The following MYO10 variants were observed in gnomAD, a reference collection of about 807,000 sequenced individuals.
The protein encoded by MYO10 is unconventional myosin-X.
MYO10 carries 133 observed loss-of-function variants against 257.3 expected under a neutral mutation model. The observed-to-expected ratio is 0.52, with a 90% CI of 0.45 to 0.60. The LOEUF (loss-of-function observed/expected upper bound fraction) is 0.60. Ranked by LOEUF, MYO10 falls within the 20% of genes least tolerant of loss-of-function variation. The pLI, the probability that MYO10 is intolerant of heterozygous loss-of-function variation, is 0.00. For missense variants in MYO10, 2,399 were observed against 2,635.7 expected, an observed-to-expected ratio of 0.91 and a Z score of 1.97; for synonymous variants, 1,104 against 1,028.6, an observed-to-expected ratio of 1.07 and a Z score of -1.40.
intron 17 of MYO10, among the ~76,000 whole-genome samples, chr5:16,759,267 G>C (rs1162266064): frequency 6.6e-6 from 1 of 152,144 alleles, no homozygotes; most frequent in Non-Finnish European, 1.5e-5. Context: ...AAGGTATCAT[G>C]GGCTATGGAG....
At chr5:16,929,981 A>C (rs1271547716) in intron 1 of MYO10, among the ~76,000 whole-genome samples, 2 of 152,204 alleles carry the variant, frequency 1.3e-5, no homozygotes, top group African/African-American at 4.8e-5. Flanking sequence ...AATAATCTGA[A>C]AATAACCATT....
chr5:16,857,046 A>T (rs1454322342), intron 2 of MYO10, among the ~76,000 whole-genome samples: 1 of 152,242 alleles, frequency 6.6e-6, no homozygotes, highest in Non-Finnish European at 1.5e-5. Context: ...AATAGGCATT[A>T]TATGTGTCAA....
intron 2 of MYO10, among the ~76,000 whole-genome samples, chr5:16,849,209 T>A (rs1179261125): frequency 1.3e-5 from 2 of 152,202 alleles, no homozygotes; most frequent in East Asian, 1.9e-4. Context: ...TAACATACAT[T>A]TACTGATTTC....
At chr5:16,683,593 G>A (rs1477457168) in intron 30 of MYO10, among the ~76,000 whole-genome samples, 1 of 152,112 alleles carries the variant, frequency 6.6e-6, no homozygotes, top group Non-Finnish European at 1.5e-5. Context: ...TAAATCCCAA[G>A]TTTGTCCCTG....
intron 4 of MYO10, among the ~76,000 whole-genome samples, chr5:16,786,491 C>T (rs570016332): frequency 6.6e-6 from 1 of 152,262 alleles, no homozygotes; most frequent in East Asian, 1.9e-4. Context: ...CTGCATTACA[C>T]CAACTGAGTA....
chr5:16,704,072 A>G (rs1738215115), intron 22 of MYO10, among the ~76,000 whole-genome samples: 2 of 151,820 alleles, frequency 1.3e-5, no homozygotes, highest in African/African-American at 4.8e-5. Flanking sequence ...CACACCTGTA[A>G]TCCCAGCACT....
intron 19 of MYO10, among the ~76,000 whole-genome samples, chr5:16,720,002 GTGTGTGTGTGTGTGTGTGTGTA>G (rs1739082130): frequency 7.0e-6 from 1 of 143,662 alleles, no homozygotes; most frequent in Non-Finnish European, 1.5e-5. Flanking sequence ...GTGTGTGTGT[GTGTGTGTGTGTGTGTGTGTGTA>G]TATGTATGTA....
At chr5:16,789,020 G>A (rs1412774878) in intron 4 of MYO10, among the ~76,000 whole-genome samples, 1 of 152,176 alleles carries the variant, frequency 6.6e-6, no homozygotes, top group Non-Finnish European at 1.5e-5. Flanking sequence ...AAAGGAATCT[G>A]ATACGAGCAG....
intron 1 of MYO10, among the ~76,000 whole-genome samples, chr5:16,895,474 C>T (rs1027421607): frequency 3.9e-5 from 6 of 152,130 alleles, no homozygotes; most frequent in African/African-American, 1.4e-4. Context: ...TCAGCTTCTC[C>T]ACTACCCCTG....
intron 2 of MYO10, among the ~76,000 whole-genome samples, chr5:16,870,323 T>C (rs1441752994): frequency 6.6e-6 from 1 of 151,478 alleles, no homozygotes; most frequent in African/African-American, 2.4e-5. Flanking sequence ...GAGTGCTTCT[T>C]GCTCTTCATT....
intron 1 of MYO10, among the ~76,000 whole-genome samples, chr5:16,911,203 A>G (rs148071655): frequency 4.6e-5 from 7 of 152,350 alleles, no homozygotes; most frequent in Non-Finnish European, 7.3e-5. Flanking sequence ...CAGAAAATAC[A>G]TAAATCTAAC....
chr5:16,796,483 G>GAAAGAGAGAAAGA (rs1741975964), intron 3 of MYO10, among the ~76,000 whole-genome samples: 3 of 136,862 alleles, frequency 2.2e-5, no homozygotes. Flanking sequence ...GAAAAGAAAA[G>GAAAGAGAGAAAGA]AAAGAAAGAA....
At chr5:16,780,635 C>G in intron 7 of MYO10, 27 bp from the exon 8 acceptor site, 1 of 1,554,110 alleles carries the variant, frequency 6.4e-7, no homozygotes. Flanking sequence ...GATTTATATT[C>G]AGAGATGTGT....
At position 16,694,503 on chromosome 5, in the gene MYO10, C is replaced by A. The variant is rs200132051; in HGVS notation, c.3668G>T (p.Gly1223Val). 1.9e-5 allele frequency: 31 copies of A among 1,613,920 alleles called. No individual in the cohort carries two copies. Among genetic ancestry groups the A allele is most frequent in the South Asian group, 5.5e-5 (5 of 91,090 alleles). The change falls in exon 27 of 41, where the codon GGG (glycine) becomes GTG (valine). Residue 1223 changes from glycine (G) to valine (V), a missense_variant. Gly to Val is a moderately radical substitution (Grantham distance 109). Transcript: ENST00000513610. ...ALKQGWLHKKGGGSSTLSRRN... is the reference protein window; with the variant it reads ...ALKQGWLHKKVGGSSTLSRRN... ...CCTGGACAGCGTGGAGGAGCCCCCC[C>A]CTTTTTTGTGGAGCCAGCCTTGCTT... is the stretch of plus-strand genomic sequence containing the variant.
At chr5:16,725,993 C>T (rs184132669) in intron 19 of MYO10, among the ~76,000 whole-genome samples, 1 of 152,164 alleles carries the variant, frequency 6.6e-6, no homozygotes, top group Admixed American at 6.5e-5. Flanking sequence ...CCATGTTGGC[C>T]AGGCTGGTCT....
chr5:16,839,975 C>G (rs1038352028), intron 2 of MYO10, among the ~76,000 whole-genome samples: 1 of 152,062 alleles, frequency 6.6e-6, no homozygotes, highest in Non-Finnish European at 1.5e-5. Context: ...TAATTCCAAG[C>G]TCAGTGGAAA....
chr5:16,685,375 T>C (rs1414619219), intron 29 of MYO10, among the ~76,000 whole-genome samples: 1 of 152,010 alleles, frequency 6.6e-6, no homozygotes, highest in African/African-American at 2.4e-5. Context: ...CATGCCTGGA[T>C]AATTTTTAAT....
At chr5:16,679,483 G>A (rs540901362) in intron 33 of MYO10, among the ~76,000 whole-genome samples, 1 of 150,886 alleles carries the variant, frequency 6.6e-6, no homozygotes, top group South Asian at 2.1e-4. Flanking sequence ...CGAAAGCAGG[G>A]TACTCAAACA....
Position 16,936,027 on chromosome 5 carries a change from T to A in MYO10, c.-219A>T. On this transcript the variant is annotated 5_prime_UTR_variant, in exon 1 of 41. Coordinates refer to ENST00000513610, the MANE Select transcript of MYO10 (RefSeq NM_012334.3). Reference sequence around the variant, plus strand: ...TCGCCCGTCCCGACGGCAGCCTTTGTCTCTTCTTCCTCCAAGTTCCTCACT... The same window carrying A: ...TCGCCCGTCCCGACGGCAGCCTTTGACTCTTCTTCCTCCAAGTTCCTCACT... 1 of 595,588 alleles carries A rather than the reference T, an allele frequency of 1.7e-6. No homozygotes were observed. Among genetic ancestry groups the A allele is most frequent in the East Asian group, 2.9e-5 (1 of 34,460 alleles). The allele number at this position is 595,588 out of a possible 1,614,324, so 36.9% of individuals were successfully genotyped here.
Sources: gnomAD v4.1 joint callset for allele counts (sites outside exome capture counted in the v4.1 genomes callset) on GRCh38, gnomAD v4.1.1 for gene constraint, MANE v1.5 for transcripts, NCBI Gene and HGNC (gene_info 2026-07-23, HGNC 2026-07-21) for gene names.